SLX9: variants seen among roughly 807,000 people sequenced by gnomAD.
SLX9 encodes SLX9 ribosome biogenesis factor, also known as ribosome biogenesis protein SLX9 homolog.
In SLX9, 19 loss-of-function variants were observed where a neutral mutation model predicts 20.8. The observed-to-expected ratio is 0.91, with a 90% confidence interval of 0.64 to 1.34. The LOEUF is 1.34. SLX9 is among the 40% of genes most tolerant of loss of function. The probability of loss-of-function intolerance (pLI) is 0.00; values close to 1 mark genes in which losing one functional copy is unlikely to be tolerated. For synonymous variants in SLX9, 113 were observed against 137.1 expected (o/e 0.82, Z 1.23); for missense variants, 299 against 322.2 (o/e 0.93, Z 0.55).
intron 3 of SLX9, 56 bp downstream of exon 3, chr21:44,960,224 C>T (rs2084929598): frequency 6.7e-7 from 1 of 1,503,414 alleles, no homozygotes; most frequent in African/African-American, 1.4e-5. Flanking sequence ...ATCCCGTGGG[C>T]CCTCCTATTC....
intron 2 of SLX9, among the ~76,000 whole-genome samples, chr21:44,948,750 C>T (rs2146620218): frequency 6.6e-6 from 1 of 152,348 alleles, no homozygotes; most frequent in Non-Finnish European, 1.5e-5. Context: ...ATACCTGTGG[C>T]CGGTGGCACC....
chr21:44,941,747 C>A (rs904275427), intron 1 of SLX9, among the ~76,000 whole-genome samples: 1 of 152,188 alleles, frequency 6.6e-6, no homozygotes, highest in Non-Finnish European at 1.5e-5. Flanking sequence ...GCCAGGGATG[C>A]GACCTCCTGG....
At chr21:44,940,715 T>G in intron 1 of SLX9, among the ~76,000 whole-genome samples, 1 of 131,302 alleles carries the variant, frequency 7.6e-6, no homozygotes, top group African/African-American at 3.3e-5. Context: ...TTTTGACCGA[T>G]GTGTCTTGGT....
chr21:44,958,641 C>T (rs1356524643), intron 2 of SLX9, among the ~76,000 whole-genome samples: 1 of 152,244 alleles, frequency 6.6e-6, no homozygotes, highest in Non-Finnish European at 1.5e-5. Flanking sequence ...CAGGCGTGAA[C>T]CTGTGCCGGA....
At chr21:44,953,849 C>T (rs2084806160) in intron 2 of SLX9, among the ~76,000 whole-genome samples, 1 of 152,226 alleles carries the variant, frequency 6.6e-6, no homozygotes, top group Non-Finnish European at 1.5e-5. Flanking sequence ...TTCCTCGCTG[C>T]AAACCTCGGC....
intron 2 of SLX9, among the ~76,000 whole-genome samples, chr21:44,954,336 T>C (rs1346265403): frequency 1.3e-5 from 2 of 152,066 alleles, no homozygotes; most frequent in Non-Finnish European, 2.9e-5. Context: ...GCACAGGCTG[T>C]CTCCAGTGCT....
Position 44,968,467 on chromosome 21 carries a change from A to G in SLX9, c.500+1286A>G, listed in dbSNP as rs114503629. Among the ~76,000 whole-genome samples, 1,218 of 152,266 alleles carry G rather than the reference A, an allele frequency of 8.0e-3. 21 individuals are homozygous for G. The highest frequency in any genetic ancestry group is 0.028 in the African/African-American group (1,161 of 41,542). On this transcript the variant is annotated intron_variant, in intron 4 of 5. Coordinates refer to ENST00000291634, the MANE Select transcript of SLX9 (RefSeq NM_058190.4). ...CAGCGGCTGCATGACCCTCCCTGTC[A>G]CCTCGCAGGGGATGCAGCCTGCTGA...
At chr21:44,951,056 A>G (rs532284593) in intron 2 of SLX9, among the ~76,000 whole-genome samples, 1 of 152,244 alleles carries the variant, frequency 6.6e-6, no homozygotes, top group Non-Finnish European at 1.5e-5. Flanking sequence ...TCATCGGATT[A>G]AAGTCGCCGG....
intron 2 of SLX9, chr21:44,959,077 C>A: frequency 6.2e-6 from 2 of 324,214 alleles, no homozygotes; most frequent in Non-Finnish European, 8.9e-6. Context: ...CCCAGGCACA[C>A]CAGGAAGCTG....
intron 2 of SLX9, among the ~76,000 whole-genome samples, chr21:44,958,759 C>T (rs1021189920): frequency 2.0e-5 from 3 of 152,216 alleles, no homozygotes; most frequent in Non-Finnish European, 4.4e-5. Context: ...GCATTCCAAG[C>T]CCTCTCCTCC....
At chr21:44,974,009 G>A (rs2085213805) in intron 5 of SLX9, among the ~76,000 whole-genome samples, 1 of 152,204 alleles carries the variant, frequency 6.6e-6, no homozygotes. Context: ...GGGCACTGCG[G>A]CCCCCAGTTA....
At chr21:44,944,483 C>T (rs542559899) in intron 2 of SLX9, among the ~76,000 whole-genome samples, 24 of 152,326 alleles carry the variant, frequency 1.6e-4, no homozygotes, top group Admixed American at 1.4e-3. Context: ...TTCCCGGCCA[C>T]CATGGTCAAT....
chr21:44,951,401 C>T lies in SLX9; in HGVS notation c.283+7564C>T, dbSNP rs184616834. Among the ~76,000 whole-genome samples the T allele has an allele frequency of 1.1e-3, 162 of 152,206 alleles. 2 individuals carry two copies. The highest frequency in any genetic ancestry group is 3.7e-3 in the African/African-American group (153 of 41,554). On this transcript the variant is annotated intron_variant, in intron 2 of 5. Transcript: ENST00000291634. ...AGGGGGACAGGCTGTGGATGTGGCC[C>T]TTGCCGGTCCTGTTCAAGTCCCAGC...
At chr21:44,964,733 C>T (rs965055817) in intron 3 of SLX9, among the ~76,000 whole-genome samples, 5 of 152,218 alleles carry the variant, frequency 3.3e-5, no homozygotes, top group South Asian at 2.1e-4. Context: ...CCTCCGTCCT[C>T]GAACACTCGA....
intron 2 of SLX9, among the ~76,000 whole-genome samples, chr21:44,957,120 C>T (rs1247793323): frequency 6.6e-6 from 1 of 152,246 alleles, no homozygotes; most frequent in South Asian, 2.1e-4. Flanking sequence ...CGGGGCCATT[C>T]AGCTCATGCT....
chr21:44,957,682 C>T (rs560082746), intron 2 of SLX9, among the ~76,000 whole-genome samples: 2 of 152,328 alleles, frequency 1.3e-5, no homozygotes, highest in African/African-American at 4.8e-5. Context: ...GAGTGGATGG[C>T]ACCTGCAGCA....
chr21:44,976,724 C>G lies in SLX9; in HGVS notation c.614C>G (p.Ala205Gly). The change falls in exon 6 of 6, where the codon GCC becomes GGC. Residue 205 changes from alanine to glycine, a missense_variant. Ala to Gly is a moderately conservative substitution (Grantham distance 60, BLOSUM62 0). Coordinates refer to ENST00000291634, the MANE Select transcript of SLX9 (RefSeq NM_058190.4). ...TRFQELLASP[A>G]YRASPLVAIG... ...TTTCAGGAGCTGCTGGCCAGTCCGG[C>G]CTACAGAGCCAGCCCCCTGGTGGCC... The G allele has an allele frequency of 6.4e-7, 1 of 1,572,898 alleles. No homozygotes were observed. The highest frequency in any genetic ancestry group is 1.3e-5 in the African/African-American group (1 of 74,114).
chr21:44,949,880 G>T (rs1414612915), intron 2 of SLX9, among the ~76,000 whole-genome samples: 1 of 152,162 alleles, frequency 6.6e-6, no homozygotes, highest in Non-Finnish European at 1.5e-5. Context: ...AGGGACCTGC[G>T]GTGGAGGGCG....
Position 44,973,192 on chromosome 21 carries a change from C to A in SLX9, c.501-5C>A. 1 of 1,613,052 alleles carries A rather than the reference C, an allele frequency of 6.2e-7. No individual in the cohort carries two copies. The highest frequency in any genetic ancestry group is 1.7e-5 in the Admixed American group (1 of 60,000). On this transcript the variant is annotated splice_polypyrimidine_tract_variant and splice_region_variant and intron_variant, in intron 4 of 5. Transcript: ENST00000291634. ...CTGACTCACGTGGCTTCTCTGTGTC[C>A]ACAGCAGGGAGAGCAACAAGCCCCG...
Sources: allele counts gnomAD v4.1 joint callset (sites outside exome capture counted in the v4.1 genomes callset), GRCh38; gene constraint gnomAD v4.1.1; transcripts MANE v1.5; gene names NCBI Gene and HGNC (gene_info 2026-07-23, HGNC 2026-07-21).